RPS6KA6: variants seen among roughly 807,000 people sequenced by gnomAD.
The protein encoded by RPS6KA6 is ribosomal protein S6 kinase A6.
In RPS6KA6, 27 loss-of-function variants were observed where a neutral mutation model predicts 65.4. The ratio of observed to expected loss-of-function variants is 0.41; its 90% CI spans 0.30 to 0.57. The LOEUF (loss-of-function observed/expected upper bound fraction) is 0.57. Among genes scored for constraint, RPS6KA6 ranks in the 20% least tolerant of loss-of-function variants. RPS6KA6 has a pLI of 0.24. For missense variants in RPS6KA6, 486 were observed against 555.6 expected, an observed-to-expected ratio of 0.87 and a Z score of 1.26; for synonymous variants, 190 against 184.2, an observed-to-expected ratio of 1.03 and a Z score of -0.26.
intron 1 of RPS6KA6, among the ~76,000 whole-genome samples, chrX:84,167,459 G>A (rs999172695): frequency 2.7e-5 from 3 of 111,871 alleles, no homozygotes; most frequent in Non-Finnish European, 5.6e-5. Context: ...AATACTGTAT[G>A]ACTTCATGTA....
chrX:84,124,835 C>A (rs1157612390), intron 8 of RPS6KA6, among the ~76,000 whole-genome samples: 1 of 111,271 alleles, frequency 9.0e-6, no homozygotes, highest in East Asian at 2.8e-4. Context: ...CAGATTTAAA[C>A]CAAAGAAGAC....
At chrX:84,183,736 T>C (rs1185120167) in intron 1 of RPS6KA6, among the ~76,000 whole-genome samples, 3 of 111,131 alleles carry the variant, frequency 2.7e-5, no homozygotes, top group African/African-American at 9.8e-5. Context: ...GTGAAAATAT[T>C]ATCACTTTCT....
intron 20 of RPS6KA6, among the ~76,000 whole-genome samples, chrX:84,079,112 C>T (rs767123153): frequency 9.0e-6 from 1 of 111,075 alleles, no homozygotes; most frequent in Non-Finnish European, 1.9e-5. Flanking sequence ...ACTGAGGTAC[C>T]CGTAGTTGAT....
intron 13 of RPS6KA6, 36 bp downstream of exon 13, chrX:84,107,583 TTAAA>T (rs1165176239): frequency 1.2e-6 from 1 of 860,245 alleles, no homozygotes; most frequent in Non-Finnish European, 1.7e-6. Flanking sequence ...AACTATCTAC[TTAAA>T]TAAAATCTCT....
chrX:84,079,648 G>A (rs1205925880), intron 20 of RPS6KA6, among the ~76,000 whole-genome samples: 1 of 111,059 alleles, frequency 9.0e-6, no homozygotes, highest in African/African-American at 3.3e-5. Context: ...GGGGAGGGGC[G>A]TCCACCATCA....
Position 84,169,116 on chromosome X carries a change from G to GA in RPS6KA6, c.82-4730dup, listed in dbSNP as rs1213508793. On this transcript the variant is annotated intron_variant, in intron 1 of 21. Transcript: ENST00000262752. ...TCCCCAATTAAGTGCCAAATGAGAG[G>GA]AAAAAAATTCTACATATGATTCTGG... 2.7e-5 allele frequency among the ~76,000 whole-genome samples: 3 copies of GA among 111,665 alleles called. No homozygotes were observed. In the Admixed American group the frequency reaches 2.9e-4, roughly 11 times the overall value.
At chrX:84,084,641 G>A (rs2033878312) in intron 20 of RPS6KA6, among the ~76,000 whole-genome samples, 1 of 112,261 alleles carries the variant, frequency 8.9e-6, no homozygotes, top group Non-Finnish European at 1.9e-5. Flanking sequence ...GTCAAGTAGT[G>A]TGATGCCTCC....
chrX:84,131,212 T>G (rs923455031), intron 8 of RPS6KA6, among the ~76,000 whole-genome samples: 16 of 112,018 alleles, frequency 1.4e-4, no homozygotes, highest in South Asian at 3.7e-4. Flanking sequence ...TATACTTTCA[T>G]TTTAAAAATA....
At chrX:84,177,545 A>G (rs1203730131) in intron 1 of RPS6KA6, among the ~76,000 whole-genome samples, 1 of 111,710 alleles carries the variant, frequency 9.0e-6, no homozygotes, top group Non-Finnish European at 1.9e-5. Context: ...TTTGTAAAGA[A>G]TCTGAGATGG....
intron 1 of RPS6KA6, among the ~76,000 whole-genome samples, chrX:84,176,329 A>G (rs1433915191): frequency 8.9e-6 from 1 of 112,200 alleles, no homozygotes; most frequent in Non-Finnish European, 1.9e-5. Context: ...CAAAAATATA[A>G]GTATTCATGT....
At position 84,188,157 on chromosome X, in the gene RPS6KA6, C is replaced by T. The variant is rs1483668930; in HGVS notation, c.-258G>A. Among the ~76,000 whole-genome samples the T allele has an allele frequency of 9.0e-6, 1 of 111,227 alleles. No homozygotes were observed. Among genetic ancestry groups the T allele is most frequent in the Non-Finnish European group, 1.9e-5 (1 of 52,828 alleles). On this transcript the variant is annotated 5_prime_UTR_variant, in exon 1 of 22. Transcript: ENST00000262752. ...TCTCCAAGAGCTGCCGCTCGGCTCG[C>T]GCTCACCACTGCCACCACAACGACA...
intron 3 of RPS6KA6, among the ~76,000 whole-genome samples, chrX:84,151,028 A>C: frequency 2.8e-5 from 1 of 35,595 alleles, no homozygotes; most frequent in East Asian, 1.4e-3. Flanking sequence ...GAGAGGATAT[A>C]TAGAGAGGAT....
intron 20 of RPS6KA6, among the ~76,000 whole-genome samples, chrX:84,081,374 T>C (rs910751940): frequency 6.3e-5 from 7 of 111,009 alleles, no homozygotes; most frequent in Non-Finnish European, 1.3e-4. Flanking sequence ...CTAGAAGAAA[T>C]AGAGAAATTC....
chrX:84,153,324 T>C (rs1217088730), intron 3 of RPS6KA6, among the ~76,000 whole-genome samples: 1 of 111,720 alleles, frequency 9.0e-6, no homozygotes, highest in Non-Finnish European at 1.9e-5. Context: ...GCACATGATA[T>C]ATAAGGACGA....
At chrX:84,073,372 C>T (rs1420970756) in intron 20 of RPS6KA6, among the ~76,000 whole-genome samples, 2 of 111,690 alleles carry the variant, frequency 1.8e-5, no homozygotes, top group Non-Finnish European at 3.8e-5. Flanking sequence ...ATATAAAAAT[C>T]AACACAAAAT....
intron 1 of RPS6KA6, among the ~76,000 whole-genome samples, chrX:84,185,795 C>T (rs1003579786): frequency 2.6e-4 from 29 of 111,589 alleles, no homozygotes; most frequent in Non-Finnish European, 3.8e-4. Flanking sequence ...GGTTGTAGAG[C>T]TTGTACTCAA....
At chrX:84,184,232 G>C (rs6622949) in intron 1 of RPS6KA6, among the ~76,000 whole-genome samples, 6,929 of 112,009 alleles carry the variant, frequency 0.062, 229 homozygotes, top group East Asian at 0.21. Flanking sequence ...ATCAAATTTA[G>C]GAAGGGGTCT....
chrX:84,145,508 TC>T lies in RPS6KA6; in HGVS notation c.470del (p.Gly157GlufsTer19). The T allele has an allele frequency of 8.7e-7, 1 of 1,153,988 alleles. No individual in the cohort carries two copies. Among genetic ancestry groups the T allele is most frequent in the Non-Finnish European group, 1.2e-6 (1 of 862,020 alleles). On this transcript the variant is annotated frameshift_variant, in exon 6 of 22. Coordinates refer to ENST00000262752, the MANE Select transcript of RPS6KA6 (RefSeq NM_014496.5). LOFTEE classifies it high-confidence loss of function. ...TGGATAATCTTGTGAAAACATCTCC[TC>T]CCCTGAGAAAATCCAGTATTAAGTA... The part of the protein sequence containing the change: ...KLYLILDFLR[G>X]GDVFTRLSKE...
chrX:84,119,058 CTTAAT>C (rs760122792), intron 9 of RPS6KA6, among the ~76,000 whole-genome samples: 8 of 111,918 alleles, frequency 7.1e-5, no homozygotes, highest in Non-Finnish European at 1.5e-4. Context: ...TCCTTCAGGG[CTTAAT>C]TTAAGTTCCA....
Sources: allele counts gnomAD v4.1 joint callset (sites outside exome capture counted in the v4.1 genomes callset), GRCh38; gene constraint gnomAD v4.1.1; transcripts MANE v1.5; gene names NCBI Gene and HGNC (gene_info 2026-07-23, HGNC 2026-07-21).